Variants in IBTK observed in about 807,000 individuals in gnomAD.
The protein encoded by IBTK is inhibitor of Bruton tyrosine kinase.
Under a neutral mutation model 154.9 loss-of-function variants are expected in IBTK, and 83 were observed. The observed-to-expected ratio is 0.54, with a 90% CI of 0.45 to 0.64. The LOEUF is 0.64. IBTK is among the 30% of genes least tolerant of loss of function. The probability of loss-of-function intolerance (pLI) is 0.00; values close to 1 mark genes in which losing one functional copy is unlikely to be tolerated. For missense variants in IBTK, 1,332 were observed against 1,584.6 expected (o/e 0.84, Z 2.71); for synonymous variants, 515 against 536.1 (o/e 0.96, Z 0.54).
intron 2 of IBTK, among the ~76,000 whole-genome samples, chr6:82,239,223 C>T (rs1056778541): frequency 3.9e-4 from 59 of 151,626 alleles, no homozygotes; most frequent in Non-Finnish European, 6.2e-4. Flanking sequence ...GGGTGGATCA[C>T]GAGGTCAGGA....
rs920236030 is a variant in IBTK, at chr6:82,170,749, A to T, written c.*676T>A. ...ACTCCAAATCTTGTTTTTCTTTTTT[A>T]AAACGCTATTCTCTTGGGACTAAAC... On this transcript the variant is annotated 3_prime_UTR_variant, in exon 29 of 29. Coordinates refer to ENST00000306270, the MANE Select transcript of IBTK (RefSeq NM_015525.4). 3 of 152,178 alleles carry T rather than the reference A, an allele frequency of 2.0e-5. No individual in the cohort carries two copies. Among genetic ancestry groups the T allele is most frequent in the African/African-American group, 7.2e-5 (3 of 41,448 alleles). The allele number at this position is 152,178 out of a possible 1,614,324, so 9.4% of individuals were successfully genotyped here. A position where few individuals can be genotyped will look rare whatever the true frequency, so the allele number is the denominator to read the frequency against.
intron 20 of IBTK, 41 bp from the exon 21 acceptor site, chr6:82,200,294 G>A (rs1769154497): frequency 7.3e-7 from 1 of 1,372,232 alleles, no homozygotes; most frequent in Non-Finnish European, 1.0e-6. Context: ...GTTTAGGGAG[G>A]TAACTAAGAT....
intron 12 of IBTK, among the ~76,000 whole-genome samples, chr6:82,213,474 T>G (rs1262811650): frequency 6.6e-6 from 1 of 152,206 alleles, no homozygotes; most frequent in Non-Finnish European, 1.5e-5. Flanking sequence ...GATACTATGG[T>G]GTTAGGCAAT....
Position 82,220,733 on chromosome 6 carries a change from AT to A in IBTK, c.1125-21del, listed in dbSNP as rs1770066560. 2 of 1,525,208 alleles carry A rather than the reference AT, an allele frequency of 1.3e-6. No homozygotes were observed. The highest frequency in any genetic ancestry group is 2.8e-5 in the African/African-American group (2 of 70,442). The allele number at this position is 1,525,208 out of a possible 1,614,324, so 94.5% of individuals were successfully genotyped here. A position where few individuals can be genotyped will look rare whatever the true frequency, so the allele number is the denominator to read the frequency against. On this transcript the variant is annotated intron_variant, in intron 8 of 28. Transcript: ENST00000306270. ...AACTGTCTAGATGAAAAAAAAAAAA[AT>A]CCTAGATTAATATGTTCTCTAAACT...
chr6:82,216,423 T>C (rs1007679261), intron 10 of IBTK, among the ~76,000 whole-genome samples, 173 bp from the exon 11 acceptor site: 1 of 152,222 alleles, frequency 6.6e-6, no homozygotes, highest in African/African-American at 2.4e-5. Context: ...ACTGAATATA[T>C]TGGCTGTATT....
At chr6:82,181,062 T>C (rs550147214) in intron 26 of IBTK, among the ~76,000 whole-genome samples, 1 of 152,316 alleles carries the variant, frequency 6.6e-6, no homozygotes, top group East Asian at 1.9e-4. Flanking sequence ...TATGAAACTT[T>C]TTTTTAAATA....
Position 82,218,136 on chromosome 6 carries a change from A to G in IBTK, c.1250T>C (p.Val417Ala). ...CILAMDGAGR[V>A]FCWRSVNSSL... The stretch of plus-strand genomic sequence containing the variant: ...ACTGTTGACTGATCTCCAGCAAAAC[A>G]CCTAAAACAAAACCAAATCACATTG... The change falls in exon 10 of 29, where the codon GTG (valine) becomes GCG (alanine). Residue 417 changes from valine (V) to alanine (A), a missense_variant and splice_region_variant. Physicochemically the swap from Val to Ala is moderately conservative, Grantham distance 64. Transcript: ENST00000306270. 1 of 1,549,182 alleles carries G rather than the reference A, an allele frequency of 6.5e-7. No homozygotes were observed.
chr6:82,197,784 T>C (rs573940496), intron 21 of IBTK, among the ~76,000 whole-genome samples: 1 of 152,354 alleles, frequency 6.6e-6, no homozygotes, highest in South Asian at 2.1e-4. Context: ...GGACAATTAA[T>C]GTGGCCAACA....
Position 82,171,353 on chromosome 6 carries a change from C to T in IBTK, c.*72G>A, listed in dbSNP as rs1367846370. On this transcript the variant is annotated 3_prime_UTR_variant, in exon 29 of 29. Transcript: ENST00000306270. ...GAATGATATTACAAAATCTCTAAGA[C>T]TCTTTTCCACAGCTTTTCTTTATAT... is the stretch of plus-strand genomic sequence containing the variant. 3.0e-6 allele frequency: 4 copies of T among 1,315,926 alleles called. No individual in the cohort carries two copies. Among genetic ancestry groups the T allele is most frequent in the Non-Finnish European group, 4.2e-6 (4 of 946,900 alleles). The allele number at this position is 1,315,926 out of a possible 1,614,324, so 81.5% of individuals were successfully genotyped here.
chr6:82,228,405 T>C (rs545043554), intron 4 of IBTK, among the ~76,000 whole-genome samples: 45 of 152,334 alleles, frequency 3.0e-4, no homozygotes, highest in African/African-American at 1.1e-3. Flanking sequence ...CTCATTTAGC[T>C]GTACCACAAA....
rs1391362910 is a variant in IBTK, at chr6:82,194,534, G to A, written c.3283C>T (p.Pro1095Ser). The A allele has an allele frequency of 6.2e-6, 10 of 1,608,134 alleles. No homozygotes were observed. The highest frequency in any genetic ancestry group is 8.5e-6 in the Non-Finnish European group (10 of 1,176,870). The change falls in exon 23 of 29, where the codon CCC (proline) becomes TCC (serine). Residue 1095 changes from proline to serine, a missense_variant. Physicochemically the swap from Pro to Ser is moderately conservative, Grantham distance 74. Around this residue, in one of 3 missense-constraint regions of IBTK, gnomAD observed 1,134 missense variants for 1,274.7 expected, o/e 0.89. Transcript: ENST00000306270. ...ILKISAPQPI[P>S]SNRIDTTSSA... ...CTGGTAGTATCAATTCTGTTACTGG[G>A]AATAGGCTGTGGAGCAGATATTTTA...
At chr6:82,191,612 A>G (rs1768772666) in intron 24 of IBTK, 175 bp downstream of exon 24, 1 of 683,508 alleles carries the variant, frequency 1.5e-6, no homozygotes, top group Admixed American at 2.1e-5. Flanking sequence ...ACTCAACTCT[A>G]TCTTTAGCAC....
intron 26 of IBTK, among the ~76,000 whole-genome samples, chr6:82,174,219 G>A (rs1265706859): frequency 1.3e-5 from 2 of 152,054 alleles, no homozygotes; most frequent in African/African-American, 2.4e-5. Flanking sequence ...TATTGACTTC[G>A]TGATTCATTT....
chr6:82,173,994 G>A (rs1333395889), intron 26 of IBTK, among the ~76,000 whole-genome samples: 1 of 152,012 alleles, frequency 6.6e-6, no homozygotes, highest in African/African-American at 2.4e-5. Flanking sequence ...ATAAAAAAGA[G>A]GTATATGATG....
intron 18 of IBTK, among the ~76,000 whole-genome samples, 190 bp from the exon 19 acceptor site, chr6:82,201,672 A>G (rs962910432): frequency 2.0e-5 from 3 of 152,212 alleles, no homozygotes; most frequent in African/African-American, 7.2e-5. Context: ...TCAAATAAAC[A>G]GCAAAGCAAA....
At position 82,240,713 on chromosome 6, in the gene IBTK, A is replaced by C; in HGVS notation, c.-227T>G. 2.1e-6 allele frequency: 1 copy of C among 479,074 alleles called. No individual in the cohort carries two copies. The highest frequency in any genetic ancestry group is 3.6e-6 in the Non-Finnish European group (1 of 274,688). The allele number at this position is 479,074 out of a possible 1,614,324, so 29.7% of individuals were successfully genotyped here. A position where few individuals can be genotyped will look rare whatever the true frequency, so the allele number is the denominator to read the frequency against. Reference sequence around the variant, plus strand: ...GCTCTATAAAGTTCATATCAAATACAAGTTCTTCATTTAAAAAAATTCCAC... The same window carrying C: ...GCTCTATAAAGTTCATATCAAATACCAGTTCTTCATTTAAAAAAATTCCAC... On this transcript the variant is annotated 5_prime_UTR_variant, in exon 2 of 29. Transcript: ENST00000306270.
rs139968640 is a variant in IBTK at position 82,198,002 on chromosome 6, A to G, written c.3026-1556T>C. Among the ~76,000 whole-genome samples the G allele has an allele frequency of 8.1e-3, 1,235 of 152,326 alleles. 19 individuals are homozygous for G. Among genetic ancestry groups the G allele is most frequent in the African/African-American group, 0.028 (1,163 of 41,574 alleles). On this transcript the variant is annotated intron_variant, in intron 21 of 28. Coordinates refer to ENST00000306270, the MANE Select transcript of IBTK (RefSeq NM_015525.4). ...ATCCTGGCCACAGAAAGAACAGTAC[A>G]CCAGGAAAATACGGACCTGGAATCA...
intron 27 of IBTK, 22 bp downstream of exon 27, chr6:82,173,345 A>G: frequency 1.9e-6 from 3 of 1,580,786 alleles, no homozygotes; most frequent in Non-Finnish European, 2.6e-6. Flanking sequence ...TTGGAGGCCC[A>G]TAACTTATCA....
chr6:82,197,707 C>A (rs1769053183), intron 21 of IBTK, among the ~76,000 whole-genome samples: 1 of 151,968 alleles, frequency 6.6e-6, no homozygotes, highest in African/African-American at 2.4e-5. Context: ...AAATTTTCAT[C>A]GAAGAGAATA....
Sources: allele counts gnomAD v4.1 joint callset (sites outside exome capture counted in the v4.1 genomes callset), GRCh38; gene constraint gnomAD v4.1.1; regional missense constraint gnomAD v4.1.1; transcripts MANE v1.5; gene names NCBI Gene and HGNC (gene_info 2026-07-23, HGNC 2026-07-21).